The following SUGCT variants were observed in gnomAD, a reference collection of about 807,000 sequenced individuals.
The protein encoded by SUGCT is succinyl-CoA:glutarate CoA-transferase.
In SUGCT, 41 loss-of-function variants were observed where a neutral mutation model predicts 55.0. The observed-to-expected ratio is 0.74, with a 90% CI of 0.58 to 0.97. SUGCT has a LOEUF of 0.97. Among genes scored for constraint, SUGCT ranks in the 50% least tolerant of loss-of-function variants. SUGCT has a pLI of 0.00. For synonymous variants in SUGCT, 187 were observed against 200.4 expected, an observed-to-expected ratio of 0.93 and a Z score of 0.56; for missense variants, 568 against 547.8, an observed-to-expected ratio of 1.04 and a Z score of -0.37.
intron 7 of SUGCT, among the ~76,000 whole-genome samples, chr7:40,252,146 A>AT (rs911778549): frequency 1.3e-5 from 2 of 152,104 alleles, no homozygotes; most frequent in East Asian, 1.9e-4. Flanking sequence ...AAATCTTAAG[A>AT]TTTTTTGAGA....
At chr7:40,197,092 C>T (rs992874562) in intron 6 of SUGCT, among the ~76,000 whole-genome samples, 4 of 152,164 alleles carry the variant, frequency 2.6e-5, no homozygotes, top group African/African-American at 9.7e-5. Context: ...ACATCAGCCT[C>T]CCAAAGTGTT....
intron 6 of SUGCT, among the ~76,000 whole-genome samples, chr7:40,218,938 T>TG (rs1260570167): frequency 2.6e-5 from 4 of 152,196 alleles, no homozygotes; most frequent in African/African-American, 9.6e-5. Flanking sequence ...GGAAATCCGT[T>TG]GGGGTCCCCT....
the SUGCT span, among the ~76,000 whole-genome samples, chr7:40,948,330 A>G: frequency 6.6e-6 from 1 of 152,176 alleles, no homozygotes; most frequent in African/African-American, 2.4e-5. Flanking sequence ...AACTTTCAAT[A>G]AGTAACTTTC....
chr7:40,973,405 C>T, the SUGCT span, among the ~76,000 whole-genome samples: 1 of 152,150 alleles, frequency 6.6e-6, no homozygotes, highest in Non-Finnish European at 1.5e-5. Context: ...ACTACCCTTC[C>T]CTGGGGACTT....
At chr7:40,832,629 G>A (rs1303201857) in intron 13 of SUGCT, among the ~76,000 whole-genome samples, 1 of 149,812 alleles carries the variant, frequency 6.7e-6, no homozygotes, top group Non-Finnish European at 1.5e-5. Flanking sequence ...AAGATTTCAG[G>A]CCAGATATAC....
intron 1 of SUGCT, among the ~76,000 whole-genome samples, chr7:40,170,116 C>G (rs1283521639): frequency 6.6e-5 from 10 of 152,156 alleles, no homozygotes; most frequent in Admixed American, 2.0e-4. Context: ...TCTCCATGTT[C>G]TGATTCTGTG....
chr7:40,191,274 C>T (rs1785890758), intron 5 of SUGCT, among the ~76,000 whole-genome samples: 1 of 152,132 alleles, frequency 6.6e-6, no homozygotes, highest in African/African-American at 2.4e-5. Flanking sequence ...GCCTCGGCCT[C>T]TCAAAGTGCT....
At chr7:40,525,499 T>TAAG (rs1203013933) in intron 12 of SUGCT, among the ~76,000 whole-genome samples, 11 of 152,026 alleles carry the variant, frequency 7.2e-5, no homozygotes, top group Non-Finnish European at 1.5e-5. Flanking sequence ...GGAAAAGGAT[T>TAAG]AAGAGATTGT....
intron 12 of SUGCT, among the ~76,000 whole-genome samples, chr7:40,699,899 A>G: frequency 6.6e-6 from 1 of 152,274 alleles, no homozygotes; most frequent in South Asian, 2.1e-4. Flanking sequence ...AAAAATAAAT[A>G]AATGCCATTA....
intron 13 of SUGCT, among the ~76,000 whole-genome samples, chr7:40,842,282 A>C (rs1450245095): frequency 2.0e-5 from 3 of 152,182 alleles, no homozygotes; most frequent in Non-Finnish European, 4.4e-5. Flanking sequence ...AAGAAATAAG[A>C]CTTATGTTTT....
intron 7 of SUGCT, among the ~76,000 whole-genome samples, chr7:40,266,526 T>C (rs889813994): frequency 2.0e-5 from 3 of 152,086 alleles, no homozygotes; most frequent in African/African-American, 7.2e-5. Flanking sequence ...TCCTTTAATG[T>C]TAACATTTTC....
At chr7:40,970,863 C>T in the SUGCT span, among the ~76,000 whole-genome samples, 1 of 151,978 alleles carries the variant, frequency 6.6e-6, no homozygotes, top group East Asian at 1.9e-4. Context: ...TTTAGTGAGG[C>T]CAGCAGGTGA....
chr7:40,784,568 C>T (rs990825109), intron 13 of SUGCT, among the ~76,000 whole-genome samples: 1 of 152,112 alleles, frequency 6.6e-6, no homozygotes, highest in Admixed American at 6.6e-5. Context: ...AGAGAATGTC[C>T]CCTTTGATCC....
intron 12 of SUGCT, among the ~76,000 whole-genome samples, chr7:40,593,205 A>T (rs1797820794): frequency 6.6e-6 from 1 of 152,186 alleles, no homozygotes; most frequent in African/African-American, 2.4e-5. Flanking sequence ...CTGAACACCC[A>T]GCTCTGTCCT....
intron 9 of SUGCT, among the ~76,000 whole-genome samples, chr7:40,345,962 T>A (rs533138799): frequency 2.6e-5 from 4 of 152,046 alleles, no homozygotes; most frequent in Non-Finnish European, 5.9e-5. Context: ...TGTTTTTTTT[T>A]ATATTAATTT....
chr7:40,943,998 T>A, the SUGCT span, among the ~76,000 whole-genome samples: 10 of 150,896 alleles, frequency 6.6e-5, no homozygotes, highest in Non-Finnish European at 1.2e-4. Context: ...GGTATCTCAT[T>A]GTGGTTTTGA....
At chr7:40,214,141 C>T (rs1173939729) in intron 6 of SUGCT, among the ~76,000 whole-genome samples, 2 of 152,072 alleles carry the variant, frequency 1.3e-5, no homozygotes, top group Non-Finnish European at 2.9e-5. Flanking sequence ...CTGACAAGTT[C>T]GCATTCAAAG....
At chr7:41,026,812 T>C in the SUGCT span, among the ~76,000 whole-genome samples, 2 of 152,090 alleles carry the variant, frequency 1.3e-5, no homozygotes, top group Non-Finnish European at 2.9e-5. Flanking sequence ...GGCAGGTAGA[T>C]CATGAGGTCA....
intron 1 of SUGCT, among the ~76,000 whole-genome samples, chr7:40,170,335 C>A (rs1784611594): frequency 6.6e-6 from 1 of 152,160 alleles, no homozygotes; most frequent in African/African-American, 2.4e-5. Context: ...AAGGATTGTC[C>A]TAACCCTTAT....
Sources: gnomAD v4.1 joint callset for allele counts (sites outside exome capture counted in the v4.1 genomes callset) on GRCh38, gnomAD v4.1.1 for gene constraint, MANE v1.5 for transcripts, NCBI Gene and HGNC (gene_info 2026-07-23, HGNC 2026-07-21) for gene names.